SLC10A2: variants seen among roughly 807,000 people sequenced by gnomAD.
SLC10A2 encodes the protein ileal sodium/bile acid cotransporter.
SLC10A2 carries 34 observed loss-of-function variants against 27.1 expected under a neutral mutation model. The observed-to-expected ratio is 1.26, with a 90% confidence interval of 0.96 to 1.67. SLC10A2 has a LOEUF of 1.67. Among genes scored for constraint, SLC10A2 ranks in the 40% most tolerant of loss-of-function variants. The pLI, the probability that SLC10A2 is intolerant of heterozygous loss-of-function variation, is 0.00. For synonymous variants in SLC10A2, 205 were observed against 174.0 expected (o/e 1.18, Z -1.40); for missense variants, 530 against 444.4 (o/e 1.19, Z -1.73).
intron 3 of SLC10A2, among the ~76,000 whole-genome samples, chr13:103,051,701 G>A (rs142370910): frequency 1.3e-5 from 2 of 152,272 alleles, no homozygotes; most frequent in African/African-American, 4.8e-5. Flanking sequence ...AATTATCCTT[G>A]TCAGAACAAA....
At chr13:103,061,041 C>T (rs990994812) in intron 1 of SLC10A2, among the ~76,000 whole-genome samples, 74 of 152,184 alleles carry the variant, frequency 4.9e-4, no homozygotes, top group African/African-American at 1.8e-3. Context: ...TATTTTTAAC[C>T]AGAATGACCT....
chr13:103,050,836 A>G (rs576102645), intron 4 of SLC10A2, among the ~76,000 whole-genome samples: 6 of 152,082 alleles, frequency 3.9e-5, no homozygotes, highest in Non-Finnish European at 7.4e-5. Context: ...CTTTCCCCCA[A>G]ATTCATATGT....
intron 2 of SLC10A2, among the ~76,000 whole-genome samples, chr13:103,056,834 G>A (rs1278023954): frequency 1.3e-5 from 2 of 152,232 alleles, no homozygotes; most frequent in East Asian, 3.9e-4. Context: ...GGCATGTCAA[G>A]GAGGACAATT....
At position 103,066,037 on chromosome 13, in the gene SLC10A2, G is replaced by T. The variant is rs1193102070; in HGVS notation, c.213C>A (p.Gly71=). ...HIKRPWGICV[G]FLCQFGIMPL... is the part of the protein sequence containing the mutation. ...GCATGATTCCAAACTGACAGAGGAAGCCAACACAAATGCCCCACGGCCGCT... is the reference window on the plus strand; with the variant it reads ...GCATGATTCCAAACTGACAGAGGAATCCAACACAAATGCCCCACGGCCGCT... Residue 71 remains glycine (G), a synonymous_variant, in exon 1 of 6, where the codon GGC becomes GGA. Transcript: ENST00000245312. 6.2e-7 allele frequency: 1 copy of T among 1,613,792 alleles called. No homozygotes were observed. The highest frequency in any genetic ancestry group is 1.3e-5 in the African/African-American group (1 of 74,932).
chr13:103,052,646 G>A lies in SLC10A2; in HGVS notation c.559C>T (p.Pro187Ser), dbSNP rs576655877. 1.2e-6 allele frequency: 2 copies of A among 1,611,212 alleles called. No individual in the cohort carries two copies. Among genetic ancestry groups the A allele is most frequent in the Admixed American group, 1.7e-5 (1 of 59,986 alleles). Residue 187 changes from proline to serine, a missense_variant, in exon 3 of 6, where the codon CCC becomes TCC. Physicochemically the swap from Pro to Ser is moderately conservative, Grantham distance 74 (BLOSUM62 -1). Coordinates refer to ENST00000245312, the MANE Select transcript of SLC10A2 (RefSeq NM_000452.3). ...TTAAGTATGATCTTTGCTTTTTGGG[G>A]CCATTTGTGATTAACAAACATTCCA... ...SIGMFVNHKWPQKAKIILKIG... is the reference protein window; with the variant it reads ...SIGMFVNHKWSQKAKIILKIG...
At chr13:103,059,272 G>A (rs536318033) in intron 1 of SLC10A2, among the ~76,000 whole-genome samples, 3 of 152,108 alleles carry the variant, frequency 2.0e-5, no homozygotes, top group Admixed American at 2.0e-4. Context: ...AGAAGCATCC[G>A]TTCATGTCAT....
intron 1 of SLC10A2, among the ~76,000 whole-genome samples, chr13:103,062,204 G>A (rs1876144822): frequency 6.6e-6 from 1 of 152,212 alleles, no homozygotes; most frequent in Non-Finnish European, 1.5e-5. Flanking sequence ...CTCTAACGTA[G>A]CGTATATAGG....
chr13:103,044,607 C>G lies in SLC10A2; in HGVS notation c.*1526G>C, dbSNP rs1490516792. 2 of 152,110 alleles carry G rather than the reference C, an allele frequency of 1.3e-5. No individual in the cohort carries two copies. The highest frequency in any genetic ancestry group is 2.4e-5 in the African/African-American group (1 of 41,414). 9.4% of individuals were successfully genotyped at this position (152,110 alleles called of 1,614,324 possible). A position where few individuals can be genotyped will look rare whatever the true frequency, so the allele number is the denominator to read the frequency against. On this transcript the variant is annotated 3_prime_UTR_variant, in exon 6 of 6. Transcript: ENST00000245312. ...GAATTTGAAAAGCAGAATCCCTCAC[C>G]CCTCTACTGGAAGAGCTAAGTTGAG...
At chr13:103,050,433 AAG>A (rs1167738897) in intron 4 of SLC10A2, among the ~76,000 whole-genome samples, 1 of 152,168 alleles carries the variant, frequency 6.6e-6, no homozygotes, top group African/African-American at 2.4e-5. Context: ...ATTAGTCAAA[AAG>A]AATTGTTTTT....
In SLC10A2 at chr13:103,046,003, A is replaced by G. The variant is rs1875598040; in HGVS notation, c.*130T>C. The G allele has an allele frequency of 2.7e-6, 3 of 1,093,364 alleles. No homozygotes were observed. In the South Asian group the frequency reaches 4.2e-5, roughly 15 times the overall value. The allele number at this position is 1,093,364 out of a possible 1,614,324, so 67.7% of individuals were successfully genotyped here. On this transcript the variant is annotated 3_prime_UTR_variant, in exon 6 of 6. Coordinates refer to ENST00000245312, the MANE Select transcript of SLC10A2 (RefSeq NM_000452.3). ...AGTCACTTGGTACTGAAACCAATAC[A>G]TGAATTCCAATGAAATTCCAATTTT... is the stretch of plus-strand genomic sequence containing the variant.
At chr13:103,052,226 A>C (rs915314840) in intron 3 of SLC10A2, among the ~76,000 whole-genome samples, 9 of 152,222 alleles carry the variant, frequency 5.9e-5, no homozygotes, top group African/African-American at 2.2e-4. Flanking sequence ...CAGAGATAAC[A>C]GTAATATGCC....
At chr13:103,057,140 AT>A (rs935946110) in intron 2 of SLC10A2, among the ~76,000 whole-genome samples, 10 of 152,062 alleles carry the variant, frequency 6.6e-5, no homozygotes, top group African/African-American at 1.9e-4. Context: ...GCTCATTGGG[AT>A]TTTTTTCCAA....
In SLC10A2 at chr13:103,045,062, T is replaced by G. The variant is rs1268768165; in HGVS notation, c.*1071A>C. The G allele has an allele frequency of 6.6e-6, 1 of 152,022 alleles. No individual in the cohort carries two copies. Among genetic ancestry groups the G allele is most frequent in the Middle Eastern group, 3.2e-3 (1 of 316 alleles). The allele number at this position is 152,022 out of a possible 1,614,324, so 9.4% of individuals were successfully genotyped here. A position where few individuals can be genotyped will look rare whatever the true frequency, so the allele number is the denominator to read the frequency against. On this transcript the variant is annotated 3_prime_UTR_variant, in exon 6 of 6. Coordinates refer to ENST00000245312, the MANE Select transcript of SLC10A2 (RefSeq NM_000452.3). ...CTCATTTCCTGATCACTCTCGGACT[T>G]GATTCTTCTTATACTACTTACTCCT...
rs200227835 is a variant in SLC10A2, at chr13:103,044,417, T to C, written c.*1716A>G. 6.6e-6 allele frequency: 1 copy of C among 152,190 alleles called. No individual in the cohort carries two copies. Among genetic ancestry groups the C allele is most frequent in the Non-Finnish European group, 1.5e-5 (1 of 68,046 alleles). 9.4% of individuals were successfully genotyped at this position (152,190 alleles called of 1,614,324 possible). ...AGACTGTAAATCTTCCTTTCCACCA[T>C]TGGGAGCATATTCTCTGACACTCTC... On this transcript the variant is annotated 3_prime_UTR_variant, in exon 6 of 6. Coordinates refer to ENST00000245312, the MANE Select transcript of SLC10A2 (RefSeq NM_000452.3).
rs768705812 is a variant in SLC10A2 at position 103,049,270 on chromosome 13, G to T, written c.919+19C>A. On this transcript the variant is annotated intron_variant, in intron 5 of 5. Transcript: ENST00000245312. The stretch of plus-strand genomic sequence containing the variant: ...TTTTTCAAAGATTATCATGAAATGG[G>T]ATTGGCATGATTCCTTACATCCTAA... 4.3e-6 allele frequency: 7 copies of T among 1,612,270 alleles called. No individual in the cohort carries two copies. The East Asian group carries it at 1.1e-4, about 26-fold the overall frequency.
chr13:103,046,738 G>A (rs561373373), intron 5 of SLC10A2, among the ~76,000 whole-genome samples: 5 of 152,258 alleles, frequency 3.3e-5, no homozygotes, highest in Admixed American at 6.5e-5. Flanking sequence ...GAAGAGACTC[G>A]GCTGATGGGT....
intron 5 of SLC10A2, 141 bp from the exon 6 acceptor site, chr13:103,046,401 C>T (rs1178421735): frequency 9.9e-6 from 7 of 709,216 alleles, no homozygotes; most frequent in Non-Finnish European, 9.5e-6. Context: ...AAGAAATCAC[C>T]ATTCTTAGTT....
At chr13:103,062,177 A>C (rs1876142749) in intron 1 of SLC10A2, among the ~76,000 whole-genome samples, 1 of 152,222 alleles carries the variant, frequency 6.6e-6, no homozygotes, top group South Asian at 2.1e-4. Flanking sequence ...TTAGAAGTAA[A>C]ATACCAAGTT....
chr13:103,057,616 T>C (rs1458031077), intron 2 of SLC10A2, among the ~76,000 whole-genome samples: 2 of 152,138 alleles, frequency 1.3e-5, no homozygotes, highest in Middle Eastern at 3.2e-3. Context: ...GCGTGGTGGC[T>C]CATGCATGTT....
Sources: allele counts gnomAD v4.1 joint callset (sites outside exome capture counted in the v4.1 genomes callset), GRCh38; gene constraint gnomAD v4.1.1; transcripts MANE v1.5; gene names NCBI Gene and HGNC (gene_info 2026-07-23, HGNC 2026-07-21).